Variants in EXOC6B observed in about 807,000 individuals in gnomAD.
EXOC6B encodes the protein exocyst complex component 6B, also known as SEC15 homolog B.
A neutral mutation model predicts 113.5 loss-of-function variants in EXOC6B; 54 were observed. The ratio of observed to expected loss-of-function variants is 0.48; its 90% confidence interval spans 0.38 to 0.60. The LOEUF is 0.60. Ranked by LOEUF, EXOC6B falls within the 20% of genes least tolerant of loss-of-function variation. EXOC6B has a pLI of 0.00. For synonymous variants in EXOC6B, 357 were observed against 339.0 expected (o/e 1.05, Z -0.58); for missense variants, 797 against 977.5 (o/e 0.82, Z 2.46).
chr2:72,275,810 C>T (rs1684776740), intron 20 of EXOC6B, among the ~76,000 whole-genome samples: 1 of 152,192 alleles, frequency 6.6e-6, no homozygotes, highest in Admixed American at 6.5e-5. Context: ...TTTTCAAACA[C>T]ACCGACTACA....
chr2:72,359,192 C>T (rs556398210), intron 19 of EXOC6B, among the ~76,000 whole-genome samples: 1 of 152,150 alleles, frequency 6.6e-6, no homozygotes, highest in East Asian at 1.9e-4. Flanking sequence ...ATGTTAGTGT[C>T]CACTCTAAAA....
chr2:72,468,847 A>G (rs10191381), intron 17 of EXOC6B, among the ~76,000 whole-genome samples: 4,417 of 152,206 alleles, frequency 0.029, 215 homozygotes, highest in African/African-American at 0.1. Flanking sequence ...AAATATTTCA[A>G]TGAGCACTTC....
intron 20 of EXOC6B, among the ~76,000 whole-genome samples, chr2:72,258,664 C>T (rs997287140): frequency 1.3e-5 from 2 of 152,032 alleles, no homozygotes; most frequent in African/African-American, 4.8e-5. Context: ...GCCACCACAC[C>T]AGGCCCTAAG....
At chr2:72,386,364 G>A (rs1263212212) in intron 18 of EXOC6B, among the ~76,000 whole-genome samples, 1 of 152,216 alleles carries the variant, frequency 6.6e-6, no homozygotes, top group Non-Finnish European at 1.5e-5. Context: ...CCACTTGCTA[G>A]AGGAATCTGC....
At chr2:72,312,664 A>C (rs1687264837) in intron 20 of EXOC6B, among the ~76,000 whole-genome samples, 1 of 151,988 alleles carries the variant, frequency 6.6e-6, no homozygotes, top group African/African-American at 2.4e-5. Flanking sequence ...CTGAGGCAGG[A>C]GAATCGCTTG....
At chr2:72,312,262 C>A (rs1474312545) in intron 20 of EXOC6B, among the ~76,000 whole-genome samples, 1 of 150,652 alleles carries the variant, frequency 6.6e-6, no homozygotes, top group Non-Finnish European at 1.5e-5. Flanking sequence ...CTCAGATTTT[C>A]AAAAGGAGAA....
At chr2:72,181,566 C>A (rs1461529939) in intron 21 of EXOC6B, among the ~76,000 whole-genome samples, 1 of 152,156 alleles carries the variant, frequency 6.6e-6, no homozygotes, top group African/African-American at 2.4e-5. Context: ...ATGAAGAAAA[C>A]CACTTCCTAT....
At chr2:72,702,018 C>G (rs1246935874) in intron 6 of EXOC6B, among the ~76,000 whole-genome samples, 3 of 151,338 alleles carry the variant, frequency 2.0e-5, no homozygotes, top group Non-Finnish European at 2.9e-5. Flanking sequence ...TGCGCTGCAC[C>G]CACTAACTCG....
chr2:72,429,443 T>C (rs971473526), intron 18 of EXOC6B, among the ~76,000 whole-genome samples: 6 of 152,202 alleles, frequency 3.9e-5, no homozygotes, highest in Non-Finnish European at 5.9e-5. Flanking sequence ...ATTTGATATA[T>C]ACATACATCA....
intron 6 of EXOC6B, among the ~76,000 whole-genome samples, chr2:72,579,183 A>G (rs1705050864): frequency 6.6e-6 from 1 of 152,224 alleles, no homozygotes; most frequent in East Asian, 1.9e-4. Context: ...GAAGAAGGAA[A>G]TAAGAATAAC....
intron 20 of EXOC6B, among the ~76,000 whole-genome samples, chr2:72,312,983 G>A (rs1335027679): frequency 6.6e-6 from 1 of 152,036 alleles, no homozygotes; most frequent in Non-Finnish European, 1.5e-5. Context: ...TACATAGAAG[G>A]TGGCTCCATT....
chr2:72,368,630 A>T (rs1411690512), intron 19 of EXOC6B, among the ~76,000 whole-genome samples: 1 of 152,226 alleles, frequency 6.6e-6, no homozygotes, highest in East Asian at 1.9e-4. Flanking sequence ...ATACTGGCAA[A>T]CCAAATCCAG....
At chr2:72,288,994 T>C in intron 20 of EXOC6B, 1 of 255,408 alleles carries the variant, frequency 3.9e-6, no homozygotes, top group Non-Finnish European at 7.7e-6. Context: ...TCTAGAAAAA[T>C]GGCAGAATAA....
intron 1 of EXOC6B, among the ~76,000 whole-genome samples, chr2:72,783,318 C>CTTTTTTTTTTTTTTTTTTTTTTTTTT (rs70963146): frequency 1.7e-5 from 1 of 60,412 alleles, no homozygotes; most frequent in Non-Finnish European, 2.8e-5. Flanking sequence ...TTTTTCTTTT[C>CTTTTTTTTTTTTTTTTTTTTTTTTTT]TTTTTTTTTT....
chr2:72,493,623 T>C (rs768605020), intron 15 of EXOC6B, among the ~76,000 whole-genome samples: 20 of 152,002 alleles, frequency 1.3e-4, no homozygotes, highest in Non-Finnish European at 2.5e-4. Flanking sequence ...TGTATGTGGG[T>C]GTGTATATAT....
chr2:72,516,141 A>G (rs1373125382), intron 8 of EXOC6B, among the ~76,000 whole-genome samples: 1 of 152,198 alleles, frequency 6.6e-6, no homozygotes, highest in Non-Finnish European at 1.5e-5. Context: ...GTTGTTTTAA[A>G]CCACTCAGTT....
chr2:72,766,661 A>C (rs528244991), intron 1 of EXOC6B, among the ~76,000 whole-genome samples: 128 of 152,206 alleles, frequency 8.4e-4, no homozygotes, highest in African/African-American at 3.0e-3. Context: ...AATTGAAAAA[A>C]TCCACATTGA....
rs1699030659 is a variant in EXOC6B, at chr2:72,480,699, A to G, written c.1717T>C (p.Leu573=). 6.3e-7 allele frequency: 1 copy of G among 1,595,918 alleles called. No homozygotes were observed. Among genetic ancestry groups the G allele is most frequent in the Admixed American group, 1.7e-5 (1 of 57,384 alleles). ...TTHLEKSCKY[L]EEFITNITNV... ...GTGATGTTGGTGATAAATTCTTCCA[A>G]GTACTTACAGGATTTCTCCAAATGT... The change falls in exon 17 of 22, where the codon TTG becomes CTG. Residue 573 remains leucine (L), a synonymous_variant. Transcript: ENST00000272427.
intron 1 of EXOC6B, among the ~76,000 whole-genome samples, chr2:72,795,299 T>G (rs773220586): frequency 6.6e-6 from 1 of 152,216 alleles, no homozygotes; most frequent in African/African-American, 2.4e-5. Context: ...TTCATCACAT[T>G]TGGATTCCAG....
Sources: allele counts gnomAD v4.1 joint callset (sites outside exome capture counted in the v4.1 genomes callset), GRCh38; gene constraint gnomAD v4.1.1; transcripts MANE v1.5; gene names NCBI Gene and HGNC (gene_info 2026-07-23, HGNC 2026-07-21).